Variants in RAB19 observed in about 807,000 individuals in gnomAD.
RAB19 encodes the protein RAB19, member RAS oncogene family.
A neutral mutation model predicts 17.3 loss-of-function variants in RAB19; 21 were observed. That is an observed-to-expected ratio of 1.21 (90% CI 0.86 to 1.74). The LOEUF (loss-of-function observed/expected upper bound fraction) is 1.74. Ranked by LOEUF, RAB19 falls within the 40% of genes most tolerant of loss-of-function variation. The pLI, the probability that RAB19 is intolerant of heterozygous loss-of-function variation, is 0.00. For synonymous variants in RAB19, 126 were observed against 110.4 expected (o/e 1.14, Z -0.88); for missense variants, 277 against 286.8 (o/e 0.97, Z 0.25).
At chr7:140,416,647 A>G (rs1003148662) in intron 3 of RAB19, among the ~76,000 whole-genome samples, 2 of 152,164 alleles carry the variant, frequency 1.3e-5, no homozygotes, top group African/African-American at 4.8e-5. Context: ...GTCACTGTGC[A>G]CTTAGCAAAC....
Position 140,412,044 on chromosome 7 carries a change from C to A in RAB19, c.372C>A (p.Val124=). The change falls in exon 3 of 4, where the codon GTC becomes GTA. Residue 124 remains valine, a synonymous_variant. Coordinates refer to ENST00000537763, the MANE Select transcript of RAB19 (RefSeq NM_001008749.3). The part of the protein sequence containing the change: ...EIEKYGAANV[V]IMLIGNKCDL... ...AGAAATATGGAGCTGCAAATGTGGT[C>A]ATTATGCTGATTGGTATGGCATTTT... 1 of 1,611,908 alleles carries A rather than the reference C, an allele frequency of 6.2e-7. No homozygotes were observed.
At position 140,407,867 on chromosome 7, in the gene RAB19, G is replaced by A. The variant is rs1341222293; in HGVS notation, c.201+20G>A. The A allele has an allele frequency of 6.5e-7, 1 of 1,533,990 alleles. No homozygotes were observed. The highest frequency in any genetic ancestry group is 2.3e-5 in the East Asian group (1 of 44,298). On this transcript the variant is annotated intron_variant, in intron 2 of 3. Coordinates refer to ENST00000537763, the MANE Select transcript of RAB19 (RefSeq NM_001008749.3). ...GTGAAGGTCAGAGGGCACCGGGACG[G>A]GACTGGTTCCACCTTTTTTTTTTTT...
At chr7:140,424,145 GT>G (rs1799610219) in intron 3 of RAB19, among the ~76,000 whole-genome samples, 1 of 126,664 alleles carries the variant, frequency 7.9e-6, no homozygotes. Context: ...GTGAGCCACT[GT>G]GCCTGGCTGA....
intron 3 of RAB19, among the ~76,000 whole-genome samples, chr7:140,415,802 G>A (rs1799446168): frequency 6.6e-6 from 1 of 151,988 alleles, no homozygotes; most frequent in East Asian, 1.9e-4. Flanking sequence ...CTACTCAGGA[G>A]GCTGAGGCAG....
At chr7:140,410,029 T>C (rs952652170) in intron 2 of RAB19, among the ~76,000 whole-genome samples, 5 of 150,724 alleles carry the variant, frequency 3.3e-5, no homozygotes, top group African/African-American at 1.2e-4. Flanking sequence ...AAATAAAAAT[T>C]TAAAAAATTA....
chr7:140,412,706 C>G (rs1444675450), intron 3 of RAB19, among the ~76,000 whole-genome samples: 4 of 150,772 alleles, frequency 2.7e-5, no homozygotes, highest in African/African-American at 9.8e-5. Flanking sequence ...GCAGAGTGAA[C>G]AGGTGAGTTT....
chr7:140,417,678 A>C (rs1442828091), intron 3 of RAB19, among the ~76,000 whole-genome samples: 1 of 152,130 alleles, frequency 6.6e-6, no homozygotes, highest in East Asian at 1.9e-4. Flanking sequence ...GTGTTCACCC[A>C]CTGTTCTGGA....
chr7:140,408,043 A>ATT (rs1799282088), intron 2 of RAB19, among the ~76,000 whole-genome samples, 196 bp downstream of exon 2: 2 of 89,324 alleles, frequency 2.2e-5, no homozygotes, highest in Admixed American at 1.4e-4. Context: ...ACGCCCGGCA[A>ATT]ATTTTTTTTT....
In RAB19 at chr7:140,426,091, GA is replaced by G; in HGVS notation, c.596del (p.Asp199AlafsTer61). On this transcript the variant is annotated frameshift_variant, in exon 4 of 4. Coordinates refer to ENST00000537763, the MANE Select transcript of RAB19 (RefSeq NM_001008749.3). LOFTEE classifies it high-confidence loss of function. ...GAGTGCCCTGAACGGCCTCCCCCTG[GA>G]CTCCAGCCCCGTTCTTATGGCCCAG... ...GESALNGLPLDSSPVLMAQGP... is the reference protein window; with the variant it reads ...GESALNGLPLXSSPVLMAQGP... 1 of 1,614,172 alleles carries G rather than the reference GA, an allele frequency of 6.2e-7. No homozygotes were observed. The highest frequency in any genetic ancestry group is 1.3e-5 in the African/African-American group (1 of 75,046).
At chr7:140,421,749 C>A (rs530777201) in intron 3 of RAB19, among the ~76,000 whole-genome samples, 1 of 152,232 alleles carries the variant, frequency 6.6e-6, no homozygotes, top group African/African-American at 2.4e-5. Flanking sequence ...ATCCTCTTGC[C>A]TCGGCTTCCC....
intron 2 of RAB19, chr7:140,411,118 G>A (rs1366599762): frequency 6.6e-6 from 9 of 1,367,014 alleles, no homozygotes; most frequent in Middle Eastern, 2.1e-4. Flanking sequence ...CCCACCTCTC[G>A]GCCGGGCGCA....
At chr7:140,408,007 A>G (rs1799281027) in intron 2 of RAB19, among the ~76,000 whole-genome samples, 160 bp downstream of exon 2, 1 of 149,028 alleles carries the variant, frequency 6.7e-6, no homozygotes, top group African/African-American at 2.5e-5. Context: ...CCTCCCAAGT[A>G]ACAGGAACTA....
chr7:140,415,901 T>C (rs1799448544), intron 3 of RAB19, among the ~76,000 whole-genome samples: 1 of 149,904 alleles, frequency 6.7e-6, no homozygotes, highest in African/African-American at 2.5e-5. Context: ...CAAGACTCTG[T>C]CTCAAAAAAA....
intron 2 of RAB19, among the ~76,000 whole-genome samples, chr7:140,411,215 C>T (rs938639620): frequency 6.6e-6 from 1 of 152,068 alleles, no homozygotes; most frequent in Non-Finnish European, 1.5e-5. Context: ...CTGGCTAACA[C>T]GGTGAAACCC....
At position 140,404,208 on chromosome 7, in the gene RAB19, A is replaced by T. The variant is rs1254097118; in HGVS notation, c.-33A>T. On this transcript the variant is annotated 5_prime_UTR_variant, in exon 1 of 4. Transcript: ENST00000537763. ...ACCTGCTGACCAGCAGAGGTGAGAG[A>T]GCGAGACAGGTAAGCGACAGGTGAA... is the stretch of plus-strand genomic sequence containing the variant. 1 of 152,294 alleles carries T rather than the reference A, an allele frequency of 6.6e-6. No individual in the cohort carries two copies. Among genetic ancestry groups the T allele is most frequent in the Non-Finnish European group, 1.5e-5 (1 of 68,134 alleles). The allele number at this position is 152,294 out of a possible 1,614,324, so 9.4% of individuals were successfully genotyped here. A position where few individuals can be genotyped will look rare whatever the true frequency, so the allele number is the denominator to read the frequency against.
chr7:140,418,679 G>A (rs1329632940), intron 3 of RAB19, among the ~76,000 whole-genome samples: 1 of 151,550 alleles, frequency 6.6e-6, no homozygotes, highest in Non-Finnish European at 1.5e-5. Flanking sequence ...AACAACATAG[G>A]GAGACCCGAT....
In RAB19 at chr7:140,416,202, C is replaced by T. The variant is rs573349231; in HGVS notation, c.385+4145C>T. Reference sequence around the variant, plus strand: ...TACTAGCTGGGCTTTGTGGTGGGCACCTGTAATCCCAGCTACTCAGAAGGC... The same window carrying T: ...TACTAGCTGGGCTTTGTGGTGGGCATCTGTAATCCCAGCTACTCAGAAGGC... On this transcript the variant is annotated intron_variant, in intron 3 of 3. Coordinates refer to ENST00000537763, the MANE Select transcript of RAB19 (RefSeq NM_001008749.3). 1.5e-4 allele frequency among the ~76,000 whole-genome samples: 23 copies of T among 151,942 alleles called. 1 individual carries two copies. In the South Asian group the frequency reaches 4.6e-3, roughly 30 times the overall value.
intron 3 of RAB19, among the ~76,000 whole-genome samples, chr7:140,423,947 G>A (rs1218685033): frequency 2.0e-5 from 3 of 151,802 alleles, no homozygotes; most frequent in African/African-American, 4.8e-5. Flanking sequence ...TCCGCCTCCC[G>A]GGTTCAAGTG....
Position 140,407,750 on chromosome 7 carries a change from A to C in RAB19, c.104A>C (p.Gln35Pro), listed in dbSNP as rs972934385. 6.2e-7 allele frequency: 1 copy of C among 1,613,952 alleles called. No homozygotes were observed. Among genetic ancestry groups the C allele is most frequent in the African/African-American group, 1.3e-5 (1 of 74,876 alleles). Residue 35 changes from glutamine (Q) to proline (P), a missense_variant, in exon 2 of 4, where the codon CAG becomes CCG. Gln to Pro is a moderately conservative substitution (Grantham distance 76). Coordinates refer to ENST00000537763, the MANE Select transcript of RAB19 (RefSeq NM_001008749.3). The part of the protein sequence containing the change: ...DSNVGKTCVV[Q>P]HFKSGVYTET... ...AATGTGGGGAAGACGTGTGTGGTGCAGCATTTCAAGTCTGGAGTCTACACT... is the reference window on the plus strand; with the variant it reads ...AATGTGGGGAAGACGTGTGTGGTGCCGCATTTCAAGTCTGGAGTCTACACT...
Sources: gnomAD v4.1 joint callset for allele counts (sites outside exome capture counted in the v4.1 genomes callset) on GRCh38, gnomAD v4.1.1 for gene constraint, MANE v1.5 for transcripts, NCBI Gene and HGNC (gene_info 2026-07-23, HGNC 2026-07-21) for gene names.